DYM: variants seen among roughly 807,000 people sequenced by gnomAD.
The protein encoded by DYM is dyggve-Melchior-Clausen syndrome protein.
DYM carries 78 observed loss-of-function variants against 93.1 expected under a neutral mutation model. The ratio of observed to expected loss-of-function variants is 0.84; its 90% CI spans 0.70 to 1.01. DYM has a LOEUF of 1.01. Ranked by LOEUF, DYM falls within the 50% of genes least tolerant of loss-of-function variation. DYM has a pLI of 0.00. For missense variants in DYM, 789 were observed against 845.0 expected (o/e 0.93, Z 0.82); for synonymous variants, 321 against 319.7 (o/e 1.00, Z -0.04).
intron 14 of DYM, among the ~76,000 whole-genome samples, chr18:49,184,514 C>T (rs578013286): frequency 9.9e-5 from 15 of 152,232 alleles, no homozygotes; most frequent in African/African-American, 1.4e-4. Context: ...CCCTTATCCA[C>T]GGGGGATACA....
chr18:49,258,847 G>GACACACACAC (rs1212886214), intron 11 of DYM, among the ~76,000 whole-genome samples: 2 of 57,036 alleles, frequency 3.5e-5, no homozygotes, highest in African/African-American at 1.8e-4. Context: ...CACAGAGAGA[G>GACACACACAC]AGAGAGAGAG....
intron 13 of DYM, among the ~76,000 whole-genome samples, chr18:49,251,925 C>T (rs1469563894): frequency 6.6e-6 from 1 of 152,022 alleles, no homozygotes; most frequent in African/African-American, 2.4e-5. Flanking sequence ...CTATAAAGAA[C>T]TGCCCGAGGC....
chr18:49,356,046 C>T (rs574249993), intron 6 of DYM, among the ~76,000 whole-genome samples: 97 of 152,172 alleles, frequency 6.4e-4, no homozygotes, highest in South Asian at 5.0e-3. Context: ...ACTTAAAATT[C>T]AGCATCAATG....
chr18:49,202,835 G>A (rs1469128352), intron 14 of DYM, among the ~76,000 whole-genome samples: 174 of 81,146 alleles, frequency 2.1e-3, no homozygotes, highest in African/African-American at 7.2e-3. Context: ...CTCTCCGCCC[G>A]GCAGCCACCC....
chr18:49,177,066 C>A (rs2089462569), intron 14 of DYM, among the ~76,000 whole-genome samples: 3 of 152,068 alleles, frequency 2.0e-5, no homozygotes, highest in South Asian at 4.1e-4. Context: ...AAGGAAATAG[C>A]AAATCTGTCC....
chr18:49,056,692 C>T (rs1409332841), intron 17 of DYM, among the ~76,000 whole-genome samples: 2 of 148,616 alleles, frequency 1.3e-5, no homozygotes, highest in African/African-American at 5.0e-5. Flanking sequence ...CGCATGCCAC[C>T]ACAACTGGGT....
At chr18:49,238,748 T>C (rs1573872) in intron 13 of DYM, among the ~76,000 whole-genome samples, 44,902 of 149,990 alleles carry the variant, frequency 0.3, 8,921 homozygotes, top group African/African-American at 0.57. Flanking sequence ...GCTGAGACCA[T>C]GCCATTGCAC....
intron 17 of DYM, among the ~76,000 whole-genome samples, chr18:49,085,039 T>C (rs1239499016): frequency 6.6e-6 from 1 of 152,202 alleles, no homozygotes; most frequent in African/African-American, 2.4e-5. Flanking sequence ...ACATCTATAG[T>C]TTATTTGTAT....
chr18:49,421,592 T>C (rs1361807172), intron 2 of DYM, among the ~76,000 whole-genome samples: 1 of 152,220 alleles, frequency 6.6e-6, no homozygotes, highest in Non-Finnish European at 1.5e-5. Flanking sequence ...AGAGTGCCTC[T>C]TCTCCTCCAA....
intron 1 of DYM, among the ~76,000 whole-genome samples, chr18:49,436,624 G>A (rs911369304): frequency 6.6e-6 from 1 of 152,114 alleles, no homozygotes; most frequent in African/African-American, 2.4e-5. Flanking sequence ...TTTATCAGGG[G>A]ACTCATGCTA....
chr18:49,454,951 T>G (rs1006932743), intron 1 of DYM, among the ~76,000 whole-genome samples: 3 of 144,472 alleles, frequency 2.1e-5, no homozygotes, highest in East Asian at 2.2e-4. Flanking sequence ...GTCCATGGCC[T>G]CCTCCTTTTT....
intron 17 of DYM, among the ~76,000 whole-genome samples, chr18:49,058,185 G>C (rs1388163051): frequency 6.6e-6 from 1 of 152,134 alleles, no homozygotes; most frequent in Non-Finnish European, 1.5e-5. Context: ...TGCCCCAGAA[G>C]GCAAGTAAAA....
chr18:49,336,621 G>A (rs2063693888), intron 6 of DYM, among the ~76,000 whole-genome samples: 2 of 152,242 alleles, frequency 1.3e-5, no homozygotes, highest in African/African-American at 2.4e-5. Context: ...CAGTATTTTT[G>A]CTCATATGAT....
intron 6 of DYM, among the ~76,000 whole-genome samples, chr18:49,338,135 T>C (rs953860413): frequency 4.6e-5 from 7 of 152,188 alleles, no homozygotes; most frequent in African/African-American, 1.7e-4. Context: ...AGATCAACTT[T>C]GAAAGATAAA....
chr18:49,070,742 T>G (rs1820683846), intron 17 of DYM, among the ~76,000 whole-genome samples: 1 of 152,152 alleles, frequency 6.6e-6, no homozygotes, highest in African/African-American at 2.4e-5. Flanking sequence ...TCAATACTAG[T>G]TGAACAAATA....
chr18:49,223,197 T>C (rs2093424497), intron 13 of DYM, among the ~76,000 whole-genome samples: 1 of 152,144 alleles, frequency 6.6e-6, no homozygotes, highest in Non-Finnish European at 1.5e-5. Flanking sequence ...TAAGACTGCT[T>C]ACCTGTTGAC....
chr18:49,267,895 T>TCAAA (rs199695670), intron 11 of DYM, among the ~76,000 whole-genome samples: 1,714 of 149,684 alleles, frequency 0.011, 45 homozygotes, highest in South Asian at 0.077. Flanking sequence ...AGACTGTGTC[T>TCAAA]CAAACAAACA....
chr18:49,281,924 G>A, intron 10 of DYM, 73 bp downstream of exon 10: 1 of 1,463,098 alleles, frequency 6.8e-7, no homozygotes, highest in Non-Finnish European at 9.4e-7. Flanking sequence ...TGCACGCTGT[G>A]CCATGTACCC....
chr18:49,103,582 T>C (rs1397527764), intron 16 of DYM, among the ~76,000 whole-genome samples: 3 of 152,308 alleles, frequency 2.0e-5, no homozygotes, highest in Non-Finnish European at 4.4e-5. Flanking sequence ...CTTGAATTAA[T>C]TTTTGTATAA....
Sources: allele counts gnomAD v4.1 joint callset (sites outside exome capture counted in the v4.1 genomes callset), GRCh38; gene constraint gnomAD v4.1.1; transcripts MANE v1.5; gene names NCBI Gene and HGNC (gene_info 2026-07-23, HGNC 2026-07-21).